Variants in TRIM14 observed in about 807,000 individuals in gnomAD.
The protein encoded by TRIM14 is tripartite motif containing 14.
A neutral mutation model predicts 44.5 loss-of-function variants in TRIM14; 28 were observed. The ratio of observed to expected loss-of-function variants is 0.63; its 90% CI spans 0.47 to 0.86. The LOEUF is 0.86. Among genes scored for constraint, TRIM14 ranks in the 40% least tolerant of loss-of-function variants. The pLI, the probability that TRIM14 is intolerant of heterozygous loss-of-function variation, is 0.00. For missense variants in TRIM14, 607 were observed against 611.1 expected, an observed-to-expected ratio of 0.99 and a Z score of 0.07; for synonymous variants, 299 against 269.2, an observed-to-expected ratio of 1.11 and a Z score of -1.08.
chr9:98,048,102 C>T, the TRIM14 span, among the ~76,000 whole-genome samples: 8 of 151,430 alleles, frequency 5.3e-5, no homozygotes, highest in African/African-American at 2.0e-4. Flanking sequence ...ATGTCACCCA[C>T]ACCCCCTGAC....
At chr9:98,039,156 A>AT in the TRIM14 span, among the ~76,000 whole-genome samples, 3 of 151,616 alleles carry the variant, frequency 2.0e-5, no homozygotes, top group Non-Finnish European at 4.4e-5. Context: ...CCTCCCTCTT[A>AT]TTTTTACTTT....
chr9:98,057,919 C>T, the TRIM14 span, among the ~76,000 whole-genome samples: 59 of 89,898 alleles, frequency 6.6e-4, no homozygotes, highest in Middle Eastern at 5.7e-3. Flanking sequence ...TTTTTTTTTC[C>T]TGGTTTTTTT....
rs542320588 is a variant in TRIM14, at chr9:98,119,007, G to A, written c.182C>T (p.Ala61Val). ...GAHRGHPVGL[A>V]LEAAVHVQKL... Reference sequence around the variant, plus strand: ...CTGCACGTGCACCGCTGCCTCCAGCGCCAGGCCCACAGGGTGGCCACGGTG... The same window carrying A: ...CTGCACGTGCACCGCTGCCTCCAGCACCAGGCCCACAGGGTGGCCACGGTG... Residue 61 changes from alanine (A) to valine (V), a missense_variant, in exon 1 of 6, where the codon GCG becomes GTG. This residue lies in a region of TRIM14 where 246 missense variants were observed against 270.8 expected (regional missense o/e 0.91). Coordinates refer to ENST00000341469, the MANE Select transcript of TRIM14 (RefSeq NM_014788.4). 2.6e-6 allele frequency: 4 copies of A among 1,560,716 alleles called. No homozygotes were observed. In the East Asian group the frequency reaches 7.4e-5, roughly 29 times the overall value.
At chr9:98,077,066 T>A (rs750129608) in intron 6 of TRIM14, 5 of 1,374,784 alleles carry the variant, frequency 3.6e-6, no homozygotes, top group Non-Finnish European at 4.1e-6. Flanking sequence ...CAAACCTTCA[T>A]ATTTTTACTC....
the TRIM14 span, among the ~76,000 whole-genome samples, chr9:98,055,353 G>T: frequency 6.6e-6 from 1 of 152,146 alleles, no homozygotes; most frequent in Non-Finnish European, 1.5e-5. Flanking sequence ...AATGTGGTGG[G>T]TTAAGAGAGG....
chr9:98,056,586 G>A, the TRIM14 span, among the ~76,000 whole-genome samples: 1 of 151,882 alleles, frequency 6.6e-6, no homozygotes, highest in Admixed American at 6.6e-5. Context: ...TCCTCGACCC[G>A]CCCCGCCGCC....
intron 5 of TRIM14, among the ~76,000 whole-genome samples, chr9:98,090,283 T>C (rs138089133): frequency 5.9e-5 from 9 of 152,348 alleles, no homozygotes; most frequent in African/African-American, 2.2e-4. Context: ...TATGTCAATA[T>C]ACAAAAATGG....
intron 4 of TRIM14, among the ~76,000 whole-genome samples, chr9:98,092,923 C>T (rs1346104271): frequency 6.6e-6 from 1 of 152,146 alleles, no homozygotes; most frequent in Non-Finnish European, 1.5e-5. Flanking sequence ...ATTCATGAAT[C>T]GTTCATTGCT....
chr9:98,038,344 G>A, the TRIM14 span, among the ~76,000 whole-genome samples: 1 of 152,182 alleles, frequency 6.6e-6, no homozygotes, highest in African/African-American at 2.4e-5. Flanking sequence ...GAGCTACCAA[G>A]CCCGGCCTAA....
At chr9:98,103,516 A>C (rs7872652) in intron 2 of TRIM14, among the ~76,000 whole-genome samples, 91,063 of 151,940 alleles carry the variant, frequency 0.6, 29,634 homozygotes, top group African/African-American at 0.85. Context: ...AAAAAATGAC[A>C]ATTTGTTCAT....
At chr9:98,116,089 C>T (rs1299373765) in intron 1 of TRIM14, 5 of 152,022 alleles carry the variant, frequency 3.3e-5, no homozygotes, top group African/African-American at 9.7e-5. Flanking sequence ...CACTTGAGGT[C>T]GGAGTTTTCA....
the TRIM14 span, among the ~76,000 whole-genome samples, chr9:98,054,283 C>T: frequency 0.02 from 3,101 of 152,246 alleles, 47 homozygotes; most frequent in Non-Finnish European, 0.029. Context: ...AGAAGGCCTT[C>T]CAAACCAAGA....
In TRIM14 at chr9:98,118,966, TCCC is replaced by T; in HGVS notation, c.207+13_207+15del. The T allele has an allele frequency of 6.6e-7, 1 of 1,510,884 alleles. No homozygotes were observed. The highest frequency in any genetic ancestry group is 1.2e-5 in the South Asian group (1 of 81,820). The allele number at this position is 1,510,884 out of a possible 1,614,324, so 93.6% of individuals were successfully genotyped here. The stretch of plus-strand genomic sequence containing the variant: ...CCCAACTCCCGCGCGGCGAACCCCG[TCCC>T]CATCGTCCCCACCTGCACGTGCACC... On this transcript the variant is annotated intron_variant, in intron 1 of 5. Transcript: ENST00000341469.
intron 3 of TRIM14, among the ~76,000 whole-genome samples, chr9:98,099,415 G>A (rs1395847714): frequency 1.4e-5 from 2 of 141,356 alleles, no homozygotes; most frequent in Non-Finnish European, 3.0e-5. Flanking sequence ...TCGCACCACT[G>A]TACTCCGGCC....
intron 2 of TRIM14, among the ~76,000 whole-genome samples, chr9:98,102,966 C>T (rs1468603618): frequency 6.6e-6 from 1 of 152,100 alleles, no homozygotes; most frequent in East Asian, 1.9e-4. Flanking sequence ...GCGGGCAGAT[C>T]ATGAGGTCAG....
intron 1 of TRIM14, among the ~76,000 whole-genome samples, chr9:98,115,192 C>T (rs1331492483): frequency 2.6e-5 from 4 of 151,522 alleles, no homozygotes; most frequent in Non-Finnish European, 5.9e-5. Context: ...TAGGTTCAAG[C>T]GATTTTCCTG....
chr9:98,092,112 G>A, intron 4 of TRIM14, 111 bp from the exon 5 acceptor site: 4 of 779,092 alleles, frequency 5.1e-6, no homozygotes, highest in East Asian at 2.9e-5. Context: ...CCAAGAGCCA[G>A]GCAGATTTAA....
chr9:98,063,543 AGTTTTTTTT>A, the TRIM14 span, among the ~76,000 whole-genome samples: 1 of 144,752 alleles, frequency 6.9e-6, no homozygotes, highest in Non-Finnish European at 1.5e-5. Flanking sequence ...TGCCTGGCCT[AGTTTTTTTT>A]GTTTTTTGAG....
the TRIM14 span, among the ~76,000 whole-genome samples, chr9:98,042,360 T>G: frequency 5.3e-5 from 8 of 152,038 alleles, no homozygotes; most frequent in East Asian, 1.4e-3. Context: ...ACTTAGTATC[T>G]ATTATTAATC....
Sources: allele counts gnomAD v4.1 joint callset (sites outside exome capture counted in the v4.1 genomes callset), GRCh38; gene constraint gnomAD v4.1.1; regional missense constraint gnomAD v4.1.1; transcripts MANE v1.5; gene names NCBI Gene and HGNC (gene_info 2026-07-23, HGNC 2026-07-21).